The following CPED1 variants were observed in gnomAD, a reference collection of about 807,000 sequenced individuals.
The protein encoded by CPED1 is cadherin like and PC-esterase domain containing 1, also known as cadherin-like and PC-esterase domain-containing protein 1.
CPED1 carries 114 observed loss-of-function variants against 128.2 expected under a neutral mutation model. That is an observed-to-expected ratio of 0.89 (90% CI 0.76 to 1.04). The LOEUF (loss-of-function observed/expected upper bound fraction) is 1.04, where lower values mean the gene tolerates loss of function less well. Among genes scored for constraint, CPED1 ranks in the 50% least tolerant of loss-of-function variants. The pLI, the probability that CPED1 is intolerant of heterozygous loss-of-function variation, is 0.00. For synonymous variants in CPED1, 462 were observed against 426.7 expected (o/e 1.08, Z -1.02); for missense variants, 1,211 against 1,207.1 (o/e 1.00, Z -0.05).
At chr7:121,248,217 TG>T (rs57214444) in intron 18 of CPED1, among the ~76,000 whole-genome samples, 45,409 of 151,984 alleles carry the variant, frequency 0.3, 7,166 homozygotes, top group Middle Eastern at 0.42. Context: ...AGGGATGACA[TG>T]TGTGGTTTCA....
intron 18 of CPED1, among the ~76,000 whole-genome samples, chr7:121,252,495 C>T (rs1272291060): frequency 6.6e-6 from 1 of 151,528 alleles, no homozygotes; most frequent in African/African-American, 2.4e-5. Flanking sequence ...AGAGCTTCTG[C>T]ACAGCAAAAG....
At chr7:121,101,526 T>C (rs1236098977) in intron 7 of CPED1, among the ~76,000 whole-genome samples, 1 of 152,232 alleles carries the variant, frequency 6.6e-6, no homozygotes, top group South Asian at 2.1e-4. Flanking sequence ...GAAGCATTTC[T>C]GTTTTCTGAG....
intron 18 of CPED1, among the ~76,000 whole-genome samples, chr7:121,246,683 CAT>C (rs1397646564): frequency 1.3e-5 from 2 of 152,116 alleles, no homozygotes; most frequent in African/African-American, 2.4e-5. Context: ...TTGGAGGAAA[CAT>C]AAACTTTCAG....
chr7:121,054,236 T>C (rs1446026640), intron 4 of CPED1, among the ~76,000 whole-genome samples: 1 of 152,234 alleles, frequency 6.6e-6, no homozygotes, highest in East Asian at 1.9e-4. Flanking sequence ...TCTGCCTCTA[T>C]ATGTACATAT....
At chr7:121,060,195 A>C (rs1793619812) in intron 4 of CPED1, among the ~76,000 whole-genome samples, 1 of 152,208 alleles carries the variant, frequency 6.6e-6, no homozygotes, top group Non-Finnish European at 1.5e-5. Flanking sequence ...CCGGACCTGC[A>C]GCCCACCATG....
chr7:121,160,297 G>A (rs1218420898), intron 16 of CPED1, among the ~76,000 whole-genome samples: 1 of 152,128 alleles, frequency 6.6e-6, no homozygotes, highest in Non-Finnish European at 1.5e-5. Flanking sequence ...AAGGTTGTAT[G>A]AGTACAGTTC....
intron 16 of CPED1, among the ~76,000 whole-genome samples, chr7:121,229,381 A>G (rs1798087240): frequency 6.6e-6 from 1 of 151,996 alleles, no homozygotes; most frequent in Non-Finnish European, 1.5e-5. Flanking sequence ...TTCAGCATGA[A>G]TCACAAACAA....
chr7:121,079,783 TTA>T (rs1265461839), intron 5 of CPED1, among the ~76,000 whole-genome samples: 1 of 152,234 alleles, frequency 6.6e-6, no homozygotes, highest in East Asian at 1.9e-4. Context: ...TTGGGAAATT[TTA>T]TGTTTCTGGT....
At chr7:121,122,139 ATTTT>A (rs34817474) in intron 7 of CPED1, among the ~76,000 whole-genome samples, 2 of 127,312 alleles carry the variant, frequency 1.6e-5, no homozygotes, top group Non-Finnish European at 3.2e-5. Flanking sequence ...ACTCATCTGG[ATTTT>A]TTTTTTTTTT....
At chr7:121,233,231 T>G (rs1256306563) in intron 16 of CPED1, among the ~76,000 whole-genome samples, 1 of 152,144 alleles carries the variant, frequency 6.6e-6, no homozygotes, top group African/African-American at 2.4e-5. Flanking sequence ...TATGACAATC[T>G]ACTCTGGAGT....
At chr7:121,011,074 C>T (rs952776775) in intron 2 of CPED1, among the ~76,000 whole-genome samples, 1 of 151,902 alleles carries the variant, frequency 6.6e-6, no homozygotes, top group African/African-American at 2.4e-5. Flanking sequence ...AAATCTGGAC[C>T]AGGAAGGCAA....
At chr7:121,272,716 C>T (rs891719325) in intron 22 of CPED1, among the ~76,000 whole-genome samples, 6 of 152,126 alleles carry the variant, frequency 3.9e-5, no homozygotes, top group Middle Eastern at 3.2e-3. Context: ...CTCACTCTCT[C>T]TGCCACCCTA....
At chr7:121,157,833 A>C (rs948481119) in intron 16 of CPED1, among the ~76,000 whole-genome samples, 7 of 152,196 alleles carry the variant, frequency 4.6e-5, no homozygotes, top group African/African-American at 1.7e-4. Context: ...TAAAATGAGT[A>C]AAATGAATGC....
chr7:121,037,724 G>A (rs1276184452), intron 3 of CPED1, among the ~76,000 whole-genome samples: 1 of 152,092 alleles, frequency 6.6e-6, no homozygotes, highest in Non-Finnish European at 1.5e-5. Context: ...GATTGCCTTT[G>A]GCAGTTTGGT....
intron 21 of CPED1, among the ~76,000 whole-genome samples, chr7:121,270,982 A>G (rs761795774): frequency 5.9e-5 from 9 of 152,244 alleles, no homozygotes; most frequent in Non-Finnish European, 1.0e-4. Context: ...TAATTTTTAA[A>G]TTGAGAATTT....
intron 4 of CPED1, among the ~76,000 whole-genome samples, chr7:121,047,651 T>TC (rs1793233886): frequency 0.018 from 61 of 3,338 alleles, 1 homozygote; most frequent in African/African-American, 0.039. Flanking sequence ...GCACCTTTCT[T>TC]CTTCTTCTTC....
intron 16 of CPED1, among the ~76,000 whole-genome samples, chr7:121,189,760 T>TTTTA (rs1472274298): frequency 1.1e-4 from 5 of 47,468 alleles, no homozygotes; most frequent in African/African-American, 3.2e-4. Context: ...TTATGAGGTT[T>TTTTA]TATATATATA....
At chr7:121,248,600 A>C (rs1178346167) in intron 18 of CPED1, among the ~76,000 whole-genome samples, 3 of 151,242 alleles carry the variant, frequency 2.0e-5, no homozygotes, top group Non-Finnish European at 4.4e-5. Context: ...GAAACAAAAA[A>C]AAAAAAAAAA....
At position 121,099,658 on chromosome 7, in the gene CPED1, G is replaced by A. The variant is rs1024146611; in HGVS notation, c.750-268G>A. ...TGGGATTATAGGCATAAGTCACTAC[G>A]CTCAGCCACCTTTTTTACTTTTTAA... On this transcript the variant is annotated intron_variant, in intron 6 of 22. Transcript: ENST00000310396. Among the ~76,000 whole-genome samples, 3 of 152,106 alleles carry A rather than the reference G, an allele frequency of 2.0e-5. 1 individual carries two copies. The highest frequency in any genetic ancestry group is 7.2e-5 in the African/African-American group (3 of 41,420).
Sources: allele counts gnomAD v4.1 joint callset (sites outside exome capture counted in the v4.1 genomes callset), GRCh38; gene constraint gnomAD v4.1.1; transcripts MANE v1.5; gene names NCBI Gene and HGNC (gene_info 2026-07-23, HGNC 2026-07-21).